ESCO2: variants seen among roughly 807,000 people sequenced by gnomAD.
ESCO2 encodes the protein establishment of sister chromatid cohesion N-acetyltransferase 2, also known as N-acetyltransferase ESCO2.
Under a neutral mutation model 61.7 loss-of-function variants are expected in ESCO2, and 51 were observed. The ratio of observed to expected loss-of-function variants is 0.83; its 90% CI spans 0.66 to 1.04. The LOEUF (loss-of-function observed/expected upper bound fraction) is 1.04, where lower values mean the gene tolerates loss of function less well. ESCO2 is among the 50% of genes least tolerant of loss of function. The pLI is 0.00. For missense variants in ESCO2, 692 were observed against 686.2 expected (o/e 1.01, Z -0.09); for synonymous variants, 230 against 238.2 (o/e 0.97, Z 0.32).
chr8:27,811,984 A>G (rs1319404222), downstream of ESCO2: 1 of 152,200 alleles, frequency 6.6e-6, no homozygotes, highest in Non-Finnish European at 1.5e-5. Context: ...TAGCTGTTTT[A>G]TAGATTCCTT....
At chr8:27,787,159 G>A (rs950086957) in intron 5 of ESCO2, among the ~76,000 whole-genome samples, 4 of 151,996 alleles carry the variant, frequency 2.6e-5, no homozygotes, top group Non-Finnish European at 5.9e-5. Flanking sequence ...TAAAATATTG[G>A]TAGCTAATCC....
At chr8:27,775,889 C>T (rs1038833135) in intron 2 of ESCO2, among the ~76,000 whole-genome samples, 1 of 152,038 alleles carries the variant, frequency 6.6e-6, no homozygotes, top group Non-Finnish European at 1.5e-5. Flanking sequence ...CTTTCTGTTC[C>T]CCTATAATAT....
chr8:27,772,452 C>T (rs1169600591), upstream of ESCO2: 13 of 1,513,014 alleles, frequency 8.6e-6, no homozygotes, highest in African/African-American at 1.4e-5. Context: ...CGGCGGACTG[C>T]GGGTCCCGGC....
intron 9 of ESCO2, 23 bp from the exon 10 acceptor site, chr8:27,799,518 G>A: frequency 6.2e-7 from 1 of 1,613,466 alleles, no homozygotes; most frequent in Non-Finnish European, 8.5e-7. Flanking sequence ...GTTAGCTATA[G>A]ATGCTTCTGT....
intron 3 of ESCO2, chr8:27,778,390 A>C (rs988822811): frequency 5.3e-5 from 8 of 152,174 alleles, no homozygotes; most frequent in African/African-American, 1.9e-4. Flanking sequence ...TTGCTAGCTA[A>C]GCCATGACAG....
In ESCO2 at chr8:27,803,737, T is replaced by C. The variant is rs113728758; in HGVS notation, c.*299T>C. 185 of 1,146,968 alleles carry C rather than the reference T, an allele frequency of 1.6e-4. No individual in the cohort carries two copies. The African/African-American group carries it at 2.9e-3, about 18-fold the overall frequency. 71.0% of individuals were successfully genotyped at this position (1,146,968 alleles called of 1,614,324 possible). On this transcript the variant is annotated 3_prime_UTR_variant, in exon 11 of 11. Coordinates refer to ENST00000305188, the MANE Select transcript of ESCO2 (RefSeq NM_001017420.3). ...CTATAACTGGAAAATTACCTGACTC[T>C]TTGTAAGAGTATTAAATACAAAGTG...
intron 9 of ESCO2, among the ~76,000 whole-genome samples, chr8:27,797,425 A>G (rs1422489261): frequency 6.6e-6 from 1 of 152,148 alleles, no homozygotes; most frequent in Non-Finnish European, 1.5e-5. Flanking sequence ...ATTTGCATGG[A>G]GTCGTTTTTC....
Position 27,803,720 on chromosome 8 carries a change from G to T in ESCO2, c.*282G>T. ...ATTATGAAACTTTGTAGCTATAACT[G>T]GAAAATTACCTGACTCTTTGTAAGA... On this transcript the variant is annotated 3_prime_UTR_variant, in exon 11 of 11. Coordinates refer to ENST00000305188, the MANE Select transcript of ESCO2 (RefSeq NM_001017420.3). The T allele has an allele frequency of 8.5e-7, 1 of 1,178,512 alleles. No homozygotes were observed. 73.0% of individuals were successfully genotyped at this position (1,178,512 alleles called of 1,614,324 possible).
downstream of ESCO2, among the ~76,000 whole-genome samples, chr8:27,811,542 T>C (rs1805684295): frequency 6.6e-6 from 1 of 152,128 alleles, no homozygotes; most frequent in Admixed American, 6.5e-5. Context: ...AAGTACCATT[T>C]CTATGCTTCC....
downstream of ESCO2, chr8:27,811,110 A>G (rs1805672540): frequency 6.2e-7 from 1 of 1,613,898 alleles, no homozygotes; most frequent in Non-Finnish European, 8.5e-7. Flanking sequence ...CTCTGTGCCA[A>G]TGTAACAAGC....
chr8:27,779,235 A>G (rs1309920599), intron 3 of ESCO2: 2 of 152,206 alleles, frequency 1.3e-5, no homozygotes, highest in Non-Finnish European at 2.9e-5. Context: ...TTTTGTGAGG[A>G]TACCCTTTCC....
intron 9 of ESCO2, among the ~76,000 whole-genome samples, chr8:27,797,118 GA>G (rs34983063): frequency 1.4e-4 from 20 of 146,068 alleles, no homozygotes; most frequent in Admixed American, 1.1e-3. Flanking sequence ...TCTTAAGAAA[GA>G]AAAAAAAAGT....
At chr8:27,802,953 G>A (rs1459872480) in intron 10 of ESCO2, among the ~76,000 whole-genome samples, 2 of 151,648 alleles carry the variant, frequency 1.3e-5, no homozygotes, top group Admixed American at 1.3e-4. Flanking sequence ...CACCGTGTTA[G>A]GATAGTCTCG....
In ESCO2 at chr8:27,776,689, A is replaced by C. The variant is rs942324573; in HGVS notation, c.381A>C (p.Gln127His). The C allele has an allele frequency of 1.9e-6, 3 of 1,613,712 alleles. No homozygotes were observed. The highest frequency in any genetic ancestry group is 2.5e-6 in the Non-Finnish European group (3 of 1,180,032). Residue 127 changes from glutamine to histidine, a missense_variant, in exon 3 of 11, where the codon CAA (glutamine) becomes CAC (histidine). Gln to His is a conservative substitution (Grantham distance 24). Transcript: ENST00000305188. ...KSFPIVTEKM[Q>H]GKPVCSKKNN... ...TTCCCATTGTGACAGAAAAAATGCA[A>C]GGAAAACCAGTCTGCTCCAAGAAGA...
chr8:27,805,768 G>A (rs990582263), downstream of ESCO2, among the ~76,000 whole-genome samples: 2 of 151,998 alleles, frequency 1.3e-5, no homozygotes, highest in African/African-American at 2.4e-5. Flanking sequence ...GTGTCACCAC[G>A]TCTGCTTAAT....
intron 10 of ESCO2, among the ~76,000 whole-genome samples, chr8:27,803,076 C>T (rs1429625658): frequency 1.1e-4 from 16 of 152,010 alleles, no homozygotes; most frequent in Admixed American, 1.0e-3. Context: ...CATGGATATC[C>T]TAGAGTTAGG....
chr8:27,777,182 A>G lies in ESCO2; in HGVS notation c.861+13A>G. 1 of 1,595,110 alleles carries G rather than the reference A, an allele frequency of 6.3e-7. No homozygotes were observed. Among genetic ancestry groups the G allele is most frequent in the Non-Finnish European group, 8.5e-7 (1 of 1,173,900 alleles). On this transcript the variant is annotated intron_variant, in intron 3 of 10. Coordinates refer to ENST00000305188, the MANE Select transcript of ESCO2 (RefSeq NM_001017420.3). ...GAAATTAATAAAGGTAAAGCTAAAT[A>G]TATCACTTTAAAAATGGCTGTATAA...
chr8:27,815,615 TGTGTGTGTACAC>T (rs1805796037), downstream of ESCO2, among the ~76,000 whole-genome samples: 1 of 151,298 alleles, frequency 6.6e-6, no homozygotes, highest in South Asian at 2.1e-4. Context: ...TACACGTATA[TGTGTGTGTACAC>T]ATACATTCTA....
chr8:27,800,072 C>T (rs754600286), intron 10 of ESCO2, among the ~76,000 whole-genome samples: 29 of 152,014 alleles, frequency 1.9e-4, no homozygotes, highest in Non-Finnish European at 2.5e-4. Flanking sequence ...TGTGAAATTA[C>T]GCTTCAATAA....
Sources: allele counts gnomAD v4.1 joint callset (sites outside exome capture counted in the v4.1 genomes callset), GRCh38; gene constraint gnomAD v4.1.1; transcripts MANE v1.5; gene names NCBI Gene and HGNC (gene_info 2026-07-23, HGNC 2026-07-21).